The following TMEM45A variants were observed in gnomAD, a reference collection of about 807,000 sequenced individuals.
TMEM45A encodes the protein DNA polymerase-transactivated protein 4.
A neutral mutation model predicts 32.0 loss-of-function variants in TMEM45A; 25 were observed. The observed-to-expected ratio is 0.78, with a 90% CI of 0.57 to 1.09. The LOEUF is 1.09. Among genes scored for constraint, TMEM45A ranks in the 50% least tolerant of loss-of-function variants. TMEM45A has a pLI of 0.00. For missense variants in TMEM45A, 302 were observed against 325.0 expected (o/e 0.93, Z 0.54); for synonymous variants, 122 against 114.8 (o/e 1.06, Z -0.40).
chr3:100,551,150 A>G (rs1706092476), intron 1 of TMEM45A, among the ~76,000 whole-genome samples: 1 of 151,142 alleles, frequency 6.6e-6, no homozygotes, highest in African/African-American at 2.4e-5. Context: ...AGTAGCTGGG[A>G]CTACAGGTGC....
chr3:100,523,692 TCTCCTTCTCCTCCTCCTCCTTTCTC>T (rs1705482152), intron 1 of TMEM45A, among the ~76,000 whole-genome samples: 1 of 69,462 alleles, frequency 1.4e-5, no homozygotes, highest in Non-Finnish European at 2.4e-5. Flanking sequence ...TTCTCCTCCT[TCTCCTTCTCCTCCTCCTCCTTTCTC>T]CTCCTTCTCC....
chr3:100,503,692 G>A (rs546667141), intron 1 of TMEM45A, among the ~76,000 whole-genome samples: 26 of 152,288 alleles, frequency 1.7e-4, no homozygotes, highest in African/African-American at 6.3e-4. Flanking sequence ...TTCACAGGAA[G>A]ATACATGAAC....
chr3:100,568,486 A>T (rs193060397), intron 4 of TMEM45A, among the ~76,000 whole-genome samples: 23 of 152,278 alleles, frequency 1.5e-4, no homozygotes, highest in East Asian at 9.6e-4. Flanking sequence ...TTTATTTTAA[A>T]ACCTTTTTGT....
chr3:100,557,076 T>C, intron 3 of TMEM45A, 104 bp downstream of exon 3: 1 of 1,291,316 alleles, frequency 7.7e-7, no homozygotes, highest in Non-Finnish European at 1.1e-6. Context: ...CCTTGATTGA[T>C]AGGACCATAT....
At chr3:100,526,190 G>A (rs188066936) in intron 1 of TMEM45A, among the ~76,000 whole-genome samples, 3 of 152,300 alleles carry the variant, frequency 2.0e-5, no homozygotes, top group Admixed American at 2.0e-4. Flanking sequence ...GCTGCTGGCA[G>A]AGGAGCTGTG....
chr3:100,559,132 C>T (rs1706279862), intron 4 of TMEM45A, among the ~76,000 whole-genome samples: 1 of 152,156 alleles, frequency 6.6e-6, no homozygotes, highest in Non-Finnish European at 1.5e-5. Context: ...AGGCCGCAGG[C>T]TTTTTCCATT....
chr3:100,512,715 G>T (rs1708187652), intron 1 of TMEM45A, among the ~76,000 whole-genome samples: 2 of 150,462 alleles, frequency 1.3e-5, no homozygotes. Flanking sequence ...CAACAAAATT[G>T]ATAGACCACT....
chr3:100,493,120 CTTTT>C lies in TMEM45A; in HGVS notation c.-4+211_-4+214del, dbSNP rs570241165. ...AATTTAATTTTTTTGGTTTGCTATTCTTTTTTTTTTTTTTTTTTTTTTGGTGAGC... is the reference window on the plus strand; with the variant it reads ...AATTTAATTTTTTTGGTTTGCTATTCTTTTTTTTTTTTTTTTTTGGTGAGC... On this transcript the variant is annotated intron_variant, in intron 1 of 5. Coordinates refer to ENST00000323523, the MANE Select transcript of TMEM45A (RefSeq NM_018004.3). Among the ~76,000 whole-genome samples the C allele has an allele frequency of 8.6e-4, 100 of 115,908 alleles. 4 individuals carry two copies. The highest frequency in any genetic ancestry group is 1.8e-3 in the African/African-American group (52 of 29,198). 76.0% of individuals were successfully genotyped at this position (115,908 alleles called of 152,430 possible).
At chr3:100,545,270 A>G (rs956309246) in intron 1 of TMEM45A, among the ~76,000 whole-genome samples, 2 of 152,224 alleles carry the variant, frequency 1.3e-5, no homozygotes, top group African/African-American at 4.8e-5. Context: ...TTGGAATTTC[A>G]TAACTAGGTC....
chr3:100,523,783 C>T (rs1206382320), intron 1 of TMEM45A, among the ~76,000 whole-genome samples: 1 of 134,788 alleles, frequency 7.4e-6, no homozygotes, highest in South Asian at 2.4e-4. Context: ...TCTCTTCCTT[C>T]TCCTCCTTCT....
chr3:100,519,387 A>ATGTGTG (rs5851210), intron 1 of TMEM45A: 7 of 563,568 alleles, frequency 1.2e-5, no homozygotes, highest in East Asian at 6.0e-5. Context: ...GTGTGTGTGC[A>ATGTGTG]TGTGTGTGTG....
rs1326868214 is a variant in TMEM45A at position 100,556,972 on chromosome 3, GGTAA to G, written c.403+3_403+6del. ...GTTGTCAAATGCCTTATTTGTGGAG[GGTAA>G]GTGTTAGTGAGTATTTTCATGTACC... On this transcript the variant is annotated splice_donor_variant and splice_donor_region_variant and intron_variant, in intron 3 of 5. Transcript: ENST00000323523. LOFTEE classifies it high-confidence loss of function. 5.6e-6 allele frequency: 9 copies of G among 1,613,848 alleles called. No homozygotes were observed. The highest frequency in any genetic ancestry group is 6.8e-6 in the Non-Finnish European group (8 of 1,179,916).
At chr3:100,515,586 A>C (rs62276556) in intron 1 of TMEM45A, among the ~76,000 whole-genome samples, 43,554 of 149,946 alleles carry the variant, frequency 0.29, 8,381 homozygotes, top group African/African-American at 0.54. Context: ...TATGTAACTA[A>C]CCTGCACATT....
At position 100,575,104 on chromosome 3, in the gene TMEM45A, G is replaced by A. The variant is rs114188985; in HGVS notation, c.735-1821G>A. Among the ~76,000 whole-genome samples the A allele has an allele frequency of 3.3e-3, 496 of 152,284 alleles. 8 individuals are homozygous for A. Among genetic ancestry groups the A allele is most frequent in the Non-Finnish European group, 4.6e-3 (314 of 68,016 alleles). On this transcript the variant is annotated intron_variant, in intron 5 of 5. Transcript: ENST00000323523. ...ACTGGTGAAATTTTTCATTTGTGAA[G>A]AGTGATATTGGTGATTTGGCTTATC...
At chr3:100,512,139 A>G (rs549315650) in intron 1 of TMEM45A, among the ~76,000 whole-genome samples, 10 of 152,330 alleles carry the variant, frequency 6.6e-5, no homozygotes, top group African/African-American at 1.9e-4. Flanking sequence ...AGACATCTGC[A>G]GAACTCTCCA....
At chr3:100,500,474 G>A (rs1460117888) in intron 1 of TMEM45A, among the ~76,000 whole-genome samples, 1 of 152,122 alleles carries the variant, frequency 6.6e-6, no homozygotes, top group African/African-American at 2.4e-5. Flanking sequence ...TTTGTTGAAC[G>A]AGGCCTGTTT....
chr3:100,577,051 C>T lies in TMEM45A; in HGVS notation c.*33C>T, dbSNP rs762861666. 1 of 1,549,598 alleles carries T rather than the reference C, an allele frequency of 6.5e-7. No homozygotes were observed. The highest frequency in any genetic ancestry group is 8.8e-7 in the Non-Finnish European group (1 of 1,134,342). On this transcript the variant is annotated 3_prime_UTR_variant, in exon 6 of 6. Coordinates refer to ENST00000323523, the MANE Select transcript of TMEM45A (RefSeq NM_018004.3). ...GAGCTTCCAGTTTTTCTAGATAAAC[C>T]TTTTCTTTTTTACATTGTTCTTGGT...
chr3:100,531,302 G>T (rs529725119), intron 1 of TMEM45A, among the ~76,000 whole-genome samples: 1 of 151,306 alleles, frequency 6.6e-6, no homozygotes, highest in Non-Finnish European at 1.5e-5. Context: ...GTGAGTGTAT[G>T]TGTGTGTGTG....
intron 1 of TMEM45A, among the ~76,000 whole-genome samples, chr3:100,509,571 A>G (rs942027908): frequency 1.1e-4 from 16 of 152,254 alleles, no homozygotes; most frequent in African/African-American, 3.9e-4. Flanking sequence ...GGTAAAGAAA[A>G]TGTGGTATAT....
Sources: gnomAD v4.1 joint callset for allele counts (sites outside exome capture counted in the v4.1 genomes callset) on GRCh38, gnomAD v4.1.1 for gene constraint, MANE v1.5 for transcripts, NCBI Gene and HGNC (gene_info 2026-07-23, HGNC 2026-07-21) for gene names.